The following RBFOX1 variants were observed in gnomAD, a reference collection of about 807,000 sequenced individuals.
RBFOX1 encodes the protein RNA binding fox-1 homolog 1, also known as RNA binding protein fox-1 homolog 1.
In RBFOX1, 8 loss-of-function variants were observed where a neutral mutation model predicts 57.7. The ratio of observed to expected loss-of-function variants is 0.14; its 90% CI spans 0.08 to 0.25. RBFOX1 has a LOEUF of 0.25. Ranked by LOEUF, RBFOX1 falls within the 10% of genes least tolerant of loss-of-function variation. The probability of loss-of-function intolerance (pLI) is 1.00; values close to 1 mark genes in which losing one functional copy is unlikely to be tolerated. For synonymous variants in RBFOX1, 326 were observed against 222.4 expected (o/e 1.47, Z -4.15); for missense variants, 611 against 548.5 (o/e 1.11, Z -1.14).
chr16:7,475,727 A>G (rs1010773671), intron 4 of RBFOX1, among the ~76,000 whole-genome samples: 1 of 152,208 alleles, frequency 6.6e-6, no homozygotes, highest in African/African-American at 2.4e-5. Flanking sequence ...CAAGTTATTG[A>G]ACCTATCTGG....
At chr16:5,595,101 C>T (rs868304752) in intron 2 of RBFOX1, among the ~76,000 whole-genome samples, 31 of 151,896 alleles carry the variant, frequency 2.0e-4, no homozygotes, top group African/African-American at 7.0e-4. Context: ...AGTCAAGATC[C>T]TGCCACTGCA....
intron 3 of RBFOX1, among the ~76,000 whole-genome samples, chr16:6,662,527 G>A (rs146521147): frequency 6.6e-6 from 1 of 152,122 alleles, no homozygotes; most frequent in Non-Finnish European, 1.5e-5. Context: ...GATTTCAGGT[G>A]GCAAATGAGG....
chr16:5,635,021 A>C (rs2048636347), intron 3 of RBFOX1, among the ~76,000 whole-genome samples: 17 of 152,182 alleles, frequency 1.1e-4, no homozygotes, highest in Admixed American at 1.1e-3. Flanking sequence ...GATCAGGGTC[A>C]GGCAGTCTCA....
chr16:7,344,260 A>T (rs2096952775), intron 4 of RBFOX1, among the ~76,000 whole-genome samples: 1 of 151,222 alleles, frequency 6.6e-6, no homozygotes, highest in Non-Finnish European at 1.5e-5. Context: ...GGATCAAATC[A>T]ATTAATACTC....
intron 4 of RBFOX1, among the ~76,000 whole-genome samples, chr16:7,487,420 T>G (rs1203237319): frequency 6.6e-6 from 1 of 152,192 alleles, no homozygotes; most frequent in East Asian, 1.9e-4. Flanking sequence ...GCACTCCCCA[T>G]GCAGTTGAGA....
At position 6,380,862 on chromosome 16, in the gene RBFOX1, G is replaced by A. The variant is rs115144457; in HGVS notation, c.-64+63805G>A. Among the ~76,000 whole-genome samples the A allele has an allele frequency of 2.0e-4, 31 of 152,240 alleles. 2 individuals carry two copies. The highest frequency in any genetic ancestry group is 1.3e-3 in the East Asian group (7 of 5,186). ...AAGCGCCTCCTTCCCTTCACATACC[G>A]TTGCCAACATAGGCCATTATCTTTC... On this transcript the variant is annotated intron_variant, in intron 2 of 15. Transcript: ENST00000550418.
At position 5,694,820 on chromosome 16, in the gene RBFOX1, G is replaced by T. The variant is rs1483383006; in HGVS notation, c.318+95859G>T. On this transcript the variant is annotated intron_variant, in intron 3 of 19. Coordinates refer to the RBFOX1 transcript ENST00000641259. The stretch of plus-strand genomic sequence containing the variant: ...TTGTTTTTGTTTTTGTTTTTGTTTT[G>T]CTTGTGCAATTGGAGCGATGGGGAG... Among the ~76,000 whole-genome samples the T allele has an allele frequency of 2.0e-5, 3 of 150,688 alleles. No individual in the cohort carries two copies. The Admixed American group carries it at 2.0e-4, about 10-fold the overall frequency.
At position 6,522,301 on chromosome 16, in the gene RBFOX1, G is replaced by A. The variant is rs546611748; in HGVS notation, c.-63-132302G>A. ...ACAATGTTATTAATTCAGAAGTGAT[G>A]GGAGGGAATGCCATAATTCCAGAGA... On this transcript the variant is annotated intron_variant, in intron 2 of 15. Transcript: ENST00000550418. Among the ~76,000 whole-genome samples the A allele has an allele frequency of 1.4e-4, 21 of 152,034 alleles. 1 individual carries two copies. Among genetic ancestry groups the A allele is most frequent in the Admixed American group, 8.5e-4 (13 of 15,254 alleles).
At chr16:6,571,649 C>A (rs1446468721) in intron 2 of RBFOX1, among the ~76,000 whole-genome samples, 1 of 152,076 alleles carries the variant, frequency 6.6e-6, no homozygotes, top group African/African-American at 2.4e-5. Context: ...TCTTGGGGTT[C>A]TCTTGAGCCT....
At chr16:6,965,339 G>A (rs889263038) in intron 3 of RBFOX1, among the ~76,000 whole-genome samples, 3 of 148,682 alleles carry the variant, frequency 2.0e-5, no homozygotes, top group African/African-American at 7.7e-5. Flanking sequence ...GTGTGTGTGT[G>A]TGTGTGTGTG....
intron 4 of RBFOX1, among the ~76,000 whole-genome samples, chr16:7,308,538 A>G (rs999428204): frequency 2.0e-5 from 3 of 152,184 alleles, no homozygotes; most frequent in African/African-American, 4.8e-5. Flanking sequence ...GCCACTGTCA[A>G]TATTCGAAGA....
At position 6,845,293 on chromosome 16, in the gene RBFOX1, T is replaced by A. The variant is rs1035441200; in HGVS notation, c.-16+190643T>A. 5.3e-5 allele frequency among the ~76,000 whole-genome samples: 8 copies of A among 152,112 alleles called. No individual in the cohort carries two copies. In the East Asian group the frequency reaches 1.5e-3, roughly 29 times the overall value. On this transcript the variant is annotated intron_variant, in intron 3 of 15. Coordinates refer to ENST00000550418, the MANE Select transcript of RBFOX1 (RefSeq NM_018723.4). ...TGGTATTGCCTAGGTTTTTTTTTTC[T>A]AGTGTTTTTAGAGTTTTGGGTTTTA... is the stretch of plus-strand genomic sequence containing the variant.
At chr16:7,636,863 T>C (rs1267020172) in intron 11 of RBFOX1, among the ~76,000 whole-genome samples, 2 of 151,918 alleles carry the variant, frequency 1.3e-5, no homozygotes, top group South Asian at 2.1e-4. Flanking sequence ...GAGAGAGGAA[T>C]AGAGCAATCT....
intron 3 of RBFOX1, among the ~76,000 whole-genome samples, chr16:6,764,300 A>G (rs2077028323): frequency 1.3e-5 from 2 of 152,176 alleles, no homozygotes; most frequent in African/African-American, 4.8e-5. Context: ...TGCACAAATG[A>G]TCAAGCTCAG....
intron 3 of RBFOX1, among the ~76,000 whole-genome samples, chr16:6,959,688 A>T (rs189596430): frequency 1.3e-5 from 2 of 152,112 alleles, no homozygotes; most frequent in East Asian, 1.9e-4. Flanking sequence ...TGTAATCTCT[A>T]AACTTGGGGA....
intron 2 of RBFOX1, among the ~76,000 whole-genome samples, chr16:5,535,943 G>C (rs2044676181): frequency 6.6e-6 from 1 of 152,056 alleles, no homozygotes; most frequent in African/African-American, 2.4e-5. Context: ...TGTTGAATGG[G>C]TACTCTGAAG....
intron 3 of RBFOX1, among the ~76,000 whole-genome samples, chr16:5,708,854 A>C (rs1410155740): frequency 6.6e-6 from 1 of 152,212 alleles, no homozygotes; most frequent in Non-Finnish European, 1.5e-5. Flanking sequence ...TTTTGGAAGA[A>C]ACATGTCTGT....
At chr16:7,238,315 G>T (rs930435595) in intron 4 of RBFOX1, among the ~76,000 whole-genome samples, 2 of 126,612 alleles carry the variant, frequency 1.6e-5, no homozygotes, top group Admixed American at 7.9e-5. Flanking sequence ...CTCAACTGCA[G>T]ACTTAAAATG....
At chr16:7,317,665 G>T (rs574918341) in intron 4 of RBFOX1, among the ~76,000 whole-genome samples, 5 of 152,138 alleles carry the variant, frequency 3.3e-5, no homozygotes, top group African/African-American at 1.2e-4. Context: ...ACCTCCACCC[G>T]CTGCCTCCAG....
Sources: gnomAD v4.1 joint callset for allele counts (sites outside exome capture counted in the v4.1 genomes callset) on GRCh38, gnomAD v4.1.1 for gene constraint, MANE v1.5 for transcripts, NCBI Gene and HGNC (gene_info 2026-07-23, HGNC 2026-07-21) for gene names.